The following KCND3 variants were observed in gnomAD, a reference collection of about 807,000 sequenced individuals.
The protein encoded by KCND3 is A-type voltage-gated potassium channel KCND3.
KCND3 carries 9 observed loss-of-function variants against 51.1 expected under a neutral mutation model. The observed-to-expected ratio is 0.18, with a 90% confidence interval of 0.11 to 0.31. The LOEUF (loss-of-function observed/expected upper bound fraction) is 0.31, where lower values mean the gene tolerates loss of function less well. KCND3 is among the 10% of genes least tolerant of loss of function. KCND3 has a pLI of 1.00. For missense variants in KCND3, 526 were observed against 903.8 expected, an observed-to-expected ratio of 0.58 and a Z score of 5.36; for synonymous variants, 349 against 368.0, an observed-to-expected ratio of 0.95 and a Z score of 0.59.
Position 111,776,955 on chromosome 1 carries a change from T to C in KCND3, c.1766+71A>G, listed in dbSNP as rs1664142041. On this transcript the variant is annotated intron_variant, in intron 7 of 7. Transcript: ENST00000302127. Reference sequence around the variant, plus strand: ...TAGAGGATCCTCAAGGTTCTCCTAATGCTGCAATTGTCTAATTCTGTGAAT... The same window carrying C: ...TAGAGGATCCTCAAGGTTCTCCTAACGCTGCAATTGTCTAATTCTGTGAAT... The C allele has an allele frequency of 2.5e-6, 4 of 1,607,068 alleles. 1 individual carries two copies. Among genetic ancestry groups the C allele is most frequent in the Non-Finnish European group, 1.7e-6 (2 of 1,177,908 alleles).
At chr1:111,814,032 AAG>A (rs1467544893) in intron 2 of KCND3, among the ~76,000 whole-genome samples, 5 of 152,348 alleles carry the variant, frequency 3.3e-5, no homozygotes, top group African/African-American at 1.2e-4. Context: ...TGATCAAATG[AAG>A]AGGAGTTATG....
intron 2 of KCND3, among the ~76,000 whole-genome samples, chr1:111,957,065 G>C (rs1673379129): frequency 6.6e-6 from 1 of 152,210 alleles, no homozygotes; most frequent in Non-Finnish European, 1.5e-5. Context: ...ACAATAAGGG[G>C]AGGAAAACAT....
At position 111,904,444 on chromosome 1, in the gene KCND3, T is replaced by C. The variant is rs561175459; in HGVS notation, c.1106+77177A>G. ...AAATCAGCTTAGCTTTGCTGTTCTC[T>C]TCCCTCTTGCTTTACTTTTTGCCTG... On this transcript the variant is annotated intron_variant, in intron 2 of 7. Transcript: ENST00000302127. 1.5e-3 allele frequency among the ~76,000 whole-genome samples: 223 copies of C among 152,324 alleles called. 1 individual carries two copies. Among genetic ancestry groups the C allele is most frequent in the African/African-American group, 5.3e-3 (222 of 41,572 alleles).
At chr1:111,965,043 A>G (rs1177858906) in intron 2 of KCND3, among the ~76,000 whole-genome samples, 3 of 152,148 alleles carry the variant, frequency 2.0e-5, no homozygotes, top group Non-Finnish European at 4.4e-5. Flanking sequence ...CAGCATCTGC[A>G]GTCAAAAGCT....
At chr1:111,848,478 C>A (rs1455125826) in intron 2 of KCND3, among the ~76,000 whole-genome samples, 1 of 152,212 alleles carries the variant, frequency 6.6e-6, no homozygotes, top group Non-Finnish European at 1.5e-5. Context: ...CTGATCTCCA[C>A]CCTGAAGTGA....
intron 2 of KCND3, among the ~76,000 whole-genome samples, chr1:111,813,222 G>A (rs1665936418): frequency 6.6e-6 from 1 of 152,176 alleles, no homozygotes; most frequent in Non-Finnish European, 1.5e-5. Context: ...GCAAGCTCAG[G>A]GAGCTTGGAA....
At chr1:111,944,086 TAA>T (rs1250315376) in intron 2 of KCND3, among the ~76,000 whole-genome samples, 1 of 152,132 alleles carries the variant, frequency 6.6e-6, no homozygotes, top group East Asian at 1.9e-4. Flanking sequence ...TATGTAAATA[TAA>T]AAGAGGAGGG....
intron 2 of KCND3, among the ~76,000 whole-genome samples, chr1:111,901,956 T>C (rs1484918913): frequency 6.6e-6 from 1 of 152,100 alleles, no homozygotes; most frequent in Non-Finnish European, 1.5e-5. Flanking sequence ...CAGGAGAAGT[T>C]GAGGACCCCA....
At chr1:111,839,964 GA>G (rs1282099694) in intron 2 of KCND3, among the ~76,000 whole-genome samples, 1 of 152,218 alleles carries the variant, frequency 6.6e-6, no homozygotes, top group Non-Finnish European at 1.5e-5. Flanking sequence ...AAACTGGGTG[GA>G]TTATAAACAA....
chr1:111,941,465 G>A (rs1672518368), intron 2 of KCND3, among the ~76,000 whole-genome samples: 1 of 152,130 alleles, frequency 6.6e-6, no homozygotes, highest in African/African-American at 2.4e-5. Context: ...TATCTACTGG[G>A]GTTTTTATCA....
In KCND3 at chr1:111,864,786, G is replaced by T. The variant is rs116993192; in HGVS notation, c.1107-77680C>A. ...AGTCCCCAGCCTTGGCCTCATAGAT[G>T]GGCAGAGCAGAAGGAAAGAACAGAG... On this transcript the variant is annotated intron_variant, in intron 2 of 7. Transcript: ENST00000302127. Among the ~76,000 whole-genome samples the T allele has an allele frequency of 3.9e-4, 60 of 152,294 alleles. No homozygotes were observed. In the East Asian group the frequency reaches 0.011, roughly 27 times the overall value.
At chr1:111,916,685 C>A (rs1671232533) in intron 2 of KCND3, among the ~76,000 whole-genome samples, 3 of 151,988 alleles carry the variant, frequency 2.0e-5, no homozygotes, top group Admixed American at 2.0e-4. Context: ...GACAAGATCA[C>A]CAATACAAGA....
rs747760623 is a variant in KCND3, at chr1:111,776,030, G to A, written c.*47C>T. On this transcript the variant is annotated 3_prime_UTR_variant, in exon 8 of 8. Transcript: ENST00000302127. ...TCAGTGACCACCCACCAACATGCCAGTCCCCTTCATTCCCCACTACCCACT... is the reference window on the plus strand; with the variant it reads ...TCAGTGACCACCCACCAACATGCCAATCCCCTTCATTCCCCACTACCCACT... The A allele has an allele frequency of 1.2e-6, 2 of 1,600,138 alleles. No individual in the cohort carries two copies. The highest frequency in any genetic ancestry group is 1.7e-6 in the Non-Finnish European group (2 of 1,167,514).
Position 111,823,873 on chromosome 1 carries a change from T to C in KCND3, c.1107-36767A>G, listed in dbSNP as rs189385747. Among the ~76,000 whole-genome samples the C allele has an allele frequency of 9.2e-3, 1,402 of 152,126 alleles. 16 individuals are homozygous for C. Among genetic ancestry groups the C allele is most frequent in the African/African-American group, 0.026 (1,079 of 41,488 alleles). On this transcript the variant is annotated intron_variant, in intron 2 of 7. Transcript: ENST00000302127. ...CACAAATAACTATAATCAGGAAGCA[T>C]CTAAAACACTAATATGGTTGCACTA... is the stretch of plus-strand genomic sequence containing the variant.
intron 2 of KCND3, among the ~76,000 whole-genome samples, chr1:111,968,882 T>C (rs1674169314): frequency 6.6e-6 from 1 of 152,008 alleles, no homozygotes; most frequent in Non-Finnish European, 1.5e-5. Flanking sequence ...CGTCACCAAC[T>C]CCCAGTCCAG....
intron 7 of KCND3, 88 bp from the exon 8 acceptor site, chr1:111,776,366 A>C (rs1209335852): frequency 7.5e-6 from 9 of 1,195,458 alleles, no homozygotes; most frequent in Non-Finnish European, 1.1e-5. Flanking sequence ...TGCTCGTGGT[A>C]ACTAGGAGGA....
At chr1:111,781,345 A>G (rs1473163353) in intron 3 of KCND3, among the ~76,000 whole-genome samples, 1 of 152,170 alleles carries the variant, frequency 6.6e-6, no homozygotes, top group Non-Finnish European at 1.5e-5. Context: ...TATGTTTTAT[A>G]TATTTTTCTT....
intron 2 of KCND3, among the ~76,000 whole-genome samples, chr1:111,807,403 A>C (rs59817268): frequency 0.082 from 12,457 of 152,234 alleles, 893 homozygotes; most frequent in African/African-American, 0.18. Context: ...TATGGCCAGG[A>C]GTGGTGGCTC....
In KCND3 at chr1:111,774,789, A is replaced by AC. The variant is rs1240241233; in HGVS notation, c.*1287dup. 37 of 152,198 alleles carry AC rather than the reference A, an allele frequency of 2.4e-4. No homozygotes were observed. The highest frequency in any genetic ancestry group is 2.4e-3 in the Admixed American group (37 of 15,282). The allele number at this position is 152,198 out of a possible 1,614,324, so 9.4% of individuals were successfully genotyped here. ...AAGTCAGAGGAATCTTGGTCCCCGT[A>AC]CCACTGCCCTCTCTGGAGAAAACTA... On this transcript the variant is annotated 3_prime_UTR_variant, in exon 8 of 8. Coordinates refer to ENST00000302127, the MANE Select transcript of KCND3 (RefSeq NM_001378969.1).
Sources: gnomAD v4.1 joint callset for allele counts (sites outside exome capture counted in the v4.1 genomes callset) on GRCh38, gnomAD v4.1.1 for gene constraint, MANE v1.5 for transcripts, NCBI Gene and HGNC (gene_info 2026-07-23, HGNC 2026-07-21) for gene names.